Variants in PAPPA2 observed in about 807,000 individuals in gnomAD.
PAPPA2 encodes pappalysin-2.
In PAPPA2, 86 loss-of-function variants were observed where a neutral mutation model predicts 176.4. The observed-to-expected ratio is 0.49, with a 90% CI of 0.41 to 0.58. PAPPA2 has a LOEUF of 0.58. Ranked by LOEUF, PAPPA2 falls within the 20% of genes least tolerant of loss-of-function variation. PAPPA2 has a pLI of 0.00. For missense variants in PAPPA2, 2,073 were observed against 2,256.9 expected, an observed-to-expected ratio of 0.92 and a Z score of 1.65; for synonymous variants, 809 against 852.2, an observed-to-expected ratio of 0.95 and a Z score of 0.88.
chr1:176,652,860 G>A, intron 3 of PAPPA2, among the ~76,000 whole-genome samples: 1 of 151,682 alleles, frequency 6.6e-6, no homozygotes, highest in East Asian at 1.9e-4. Flanking sequence ...GTGGGGAGAA[G>A]CATCTCAGAT....
At chr1:176,601,506 T>C (rs961946670) in intron 3 of PAPPA2, among the ~76,000 whole-genome samples, 2 of 152,166 alleles carry the variant, frequency 1.3e-5, no homozygotes, top group Non-Finnish European at 1.5e-5. Flanking sequence ...AGAGTACTTA[T>C]CAAGCTCTGG....
chr1:176,779,665 T>C (rs1664628362), intron 17 of PAPPA2, among the ~76,000 whole-genome samples: 1 of 152,168 alleles, frequency 6.6e-6, no homozygotes, highest in Non-Finnish European at 1.5e-5. Context: ...CATAATCTAC[T>C]CATTACCCTG....
At chr1:176,466,275 C>T (rs1651616459) in intron 1 of PAPPA2, among the ~76,000 whole-genome samples, 1 of 152,138 alleles carries the variant, frequency 6.6e-6, no homozygotes, top group Non-Finnish European at 1.5e-5. Flanking sequence ...GGCCAAGCTA[C>T]TGTGGAAGGA....
intron 4 of PAPPA2, among the ~76,000 whole-genome samples, chr1:176,674,215 G>A (rs955797202): frequency 2.6e-5 from 4 of 152,098 alleles, no homozygotes; most frequent in African/African-American, 9.7e-5. Context: ...AGGGTAAACA[G>A]AAGTAGTACA....
chr1:176,514,250 A>T (rs1572988341), intron 1 of PAPPA2, among the ~76,000 whole-genome samples: 1 of 152,224 alleles, frequency 6.6e-6, no homozygotes, highest in African/African-American at 2.4e-5. Context: ...ATAGTGAGAG[A>T]GGGAGCAAGA....
At chr1:176,477,667 C>T (rs1056391553) in intron 1 of PAPPA2, among the ~76,000 whole-genome samples, 2 of 152,050 alleles carry the variant, frequency 1.3e-5, no homozygotes, top group African/African-American at 4.8e-5. Context: ...ATCACTTGAA[C>T]CTGGGAGGTG....
At chr1:176,549,523 A>G (rs1650820881) in intron 1 of PAPPA2, among the ~76,000 whole-genome samples, 1 of 152,222 alleles carries the variant, frequency 6.6e-6, no homozygotes, top group Admixed American at 6.5e-5. Flanking sequence ...AACTTGCCCA[A>G]CGTCAGGCAG....
chr1:176,841,574 A>G (rs1355872479), intron 22 of PAPPA2, among the ~76,000 whole-genome samples: 1 of 152,082 alleles, frequency 6.6e-6, no homozygotes, highest in African/African-American at 2.4e-5. Flanking sequence ...TGCCACTTTT[A>G]TATCACCTCT....
chr1:176,473,086 T>C (rs1413894540), intron 1 of PAPPA2, among the ~76,000 whole-genome samples: 1 of 152,166 alleles, frequency 6.6e-6, no homozygotes, highest in Non-Finnish European at 1.5e-5. Context: ...GCTTACATTC[T>C]ATAGATTTTG....
chr1:176,825,855 G>A (rs73050107), intron 21 of PAPPA2, among the ~76,000 whole-genome samples: 3,012 of 152,214 alleles, frequency 0.02, 98 homozygotes, highest in African/African-American at 0.069. Flanking sequence ...GCAGGGCTGC[G>A]CTCCACCCTC....
At chr1:176,821,701 G>A (rs963763714) in intron 21 of PAPPA2, among the ~76,000 whole-genome samples, 2 of 152,138 alleles carry the variant, frequency 1.3e-5, no homozygotes, top group South Asian at 2.1e-4. Flanking sequence ...CCAACTTTTT[G>A]TCAAGTGTAG....
intron 1 of PAPPA2, among the ~76,000 whole-genome samples, chr1:176,467,052 A>C (rs1009094909): frequency 6.6e-6 from 1 of 152,226 alleles, no homozygotes; most frequent in Non-Finnish European, 1.5e-5. Context: ...TCATGTGAAC[A>C]TCACAGGGTG....
chr1:176,713,481 C>T (rs181785706), intron 12 of PAPPA2, among the ~76,000 whole-genome samples: 1 of 152,264 alleles, frequency 6.6e-6, no homozygotes, highest in East Asian at 1.9e-4. Flanking sequence ...AGCTTGTATT[C>T]ACTTAATAAT....
intron 14 of PAPPA2, among the ~76,000 whole-genome samples, chr1:176,760,411 A>G (rs968954105): frequency 1.3e-5 from 2 of 152,194 alleles, no homozygotes; most frequent in African/African-American, 2.4e-5. Flanking sequence ...CAGGTTACAT[A>G]TATCTAGATC....
At chr1:176,565,362 G>T (rs1236426083) in intron 2 of PAPPA2, among the ~76,000 whole-genome samples, 2 of 152,138 alleles carry the variant, frequency 1.3e-5, no homozygotes, top group African/African-American at 4.8e-5. Flanking sequence ...TAATCCTCAT[G>T]AATGCATGGA....
chr1:176,572,987 T>G (rs1159571460), intron 2 of PAPPA2, among the ~76,000 whole-genome samples: 1 of 152,162 alleles, frequency 6.6e-6, no homozygotes, highest in Non-Finnish European at 1.5e-5. Context: ...TCAAAATTAT[T>G]TATTTGACTG....
chr1:176,551,894 A>C (rs778781748), intron 1 of PAPPA2, among the ~76,000 whole-genome samples: 4 of 152,182 alleles, frequency 2.6e-5, no homozygotes, highest in Non-Finnish European at 5.9e-5. Flanking sequence ...GGTGAAAGAA[A>C]GAAGGTGGAG....
intron 20 of PAPPA2, among the ~76,000 whole-genome samples, chr1:176,795,838 A>T (rs1665403477): frequency 1.3e-5 from 2 of 152,198 alleles, no homozygotes; most frequent in African/African-American, 4.8e-5. Flanking sequence ...ACTATATGAA[A>T]TCTCTCCCAA....
chr1:176,767,559 A>G (rs112342327), intron 15 of PAPPA2, among the ~76,000 whole-genome samples: 7 of 152,206 alleles, frequency 4.6e-5, no homozygotes, highest in South Asian at 4.1e-4. Flanking sequence ...TGTCAGCCAG[A>G]ATGGTCTCCA....
Sources: allele counts gnomAD v4.1 joint callset (sites outside exome capture counted in the v4.1 genomes callset), GRCh38; gene constraint gnomAD v4.1.1; transcripts MANE v1.5; gene names NCBI Gene and HGNC (gene_info 2026-07-23, HGNC 2026-07-21).